The following SLC39A12 variants were observed in gnomAD, a reference collection of about 807,000 sequenced individuals.
SLC39A12 encodes zinc transporter ZIP12.
In SLC39A12, 63 loss-of-function variants were observed where a neutral mutation model predicts 71.1. That is an observed-to-expected ratio of 0.89 (90% CI 0.72 to 1.09). SLC39A12 has a LOEUF of 1.09. Among genes scored for constraint, SLC39A12 ranks in the 50% least tolerant of loss-of-function variants. SLC39A12 has a pLI of 0.00. For synonymous variants in SLC39A12, 351 were observed against 301.3 expected, an observed-to-expected ratio of 1.16 and a Z score of -1.71; for missense variants, 892 against 812.6, an observed-to-expected ratio of 1.10 and a Z score of -1.19.
Position 17,991,332 on chromosome 10 carries a change from GC to G in SLC39A12, c.1422+30del, listed in dbSNP as rs1835542612. On this transcript the variant is annotated intron_variant, in intron 8 of 12. Coordinates refer to ENST00000377369, the MANE Select transcript of SLC39A12 (RefSeq NM_001145195.2). The stretch of plus-strand genomic sequence containing the variant: ...TATTTTTAAGTTTTATTTGTCTTGT[GC>G]TTTAAAGTCTTATAATACATTCATC... 17 of 1,528,648 alleles carry G rather than the reference GC, an allele frequency of 1.1e-5. No homozygotes were observed. In the East Asian group the frequency reaches 3.9e-4, roughly 35 times the overall value. 94.7% of individuals were successfully genotyped at this position (1,528,648 alleles called of 1,614,324 possible). A position where few individuals can be genotyped will look rare whatever the true frequency, so the allele number is the denominator to read the frequency against.
intron 2 of SLC39A12, among the ~76,000 whole-genome samples, chr10:17,956,061 C>A (rs1388895656): frequency 6.6e-6 from 1 of 151,960 alleles, no homozygotes; most frequent in African/African-American, 2.4e-5. Flanking sequence ...TCTGTGAGGA[C>A]CACATGGACA....
intron 12 of SLC39A12, among the ~76,000 whole-genome samples, chr10:18,034,602 ATTTGCCAGTC>A (rs1282283840): frequency 6.6e-6 from 1 of 151,472 alleles, no homozygotes; most frequent in Non-Finnish European, 1.5e-5. Flanking sequence ...TCTTTATCCA[ATTTGCCAGTC>A]TGTGTCTTTT....
At chr10:18,018,492 A>G (rs1022053055) in intron 12 of SLC39A12, among the ~76,000 whole-genome samples, 14 of 152,142 alleles carry the variant, frequency 9.2e-5, no homozygotes, top group Non-Finnish European at 2.9e-5. Flanking sequence ...GTTTCTCACC[A>G]TTAGGTATAT....
At chr10:17,954,345 G>A (rs1392860066) in intron 2 of SLC39A12, among the ~76,000 whole-genome samples, 2 of 152,022 alleles carry the variant, frequency 1.3e-5, no homozygotes, top group Non-Finnish European at 2.9e-5. Flanking sequence ...CCTCCACCTC[G>A]TGGGTGCAAG....
In SLC39A12 at chr10:17,987,666, T is replaced by C. The variant is rs748751874; in HGVS notation, c.1269+15T>C. ...TTATCCCTCAGGTAATCTGGTCTTTTCCATTTCAGATAAAGTTCACTTCAT... is the reference window on the plus strand; with the variant it reads ...TTATCCCTCAGGTAATCTGGTCTTTCCCATTTCAGATAAAGTTCACTTCAT... On this transcript the variant is annotated intron_variant, in intron 7 of 12. Transcript: ENST00000377369. The C allele has an allele frequency of 1.2e-6, 2 of 1,613,506 alleles. No homozygotes were observed. The highest frequency in any genetic ancestry group is 4.5e-5 in the East Asian group (2 of 44,880).
intron 12 of SLC39A12, among the ~76,000 whole-genome samples, chr10:18,041,510 TTA>T (rs762424009): frequency 9.7e-5 from 11 of 113,390 alleles, no homozygotes; most frequent in African/African-American, 1.1e-4. Context: ...AAAAAAAACT[TTA>T]TATATATATA....
At chr10:18,038,087 CATTATTTCGATTAAAAAAAAATACAGG>C (rs1837114205) in intron 12 of SLC39A12, among the ~76,000 whole-genome samples, 1 of 127,398 alleles carries the variant, frequency 7.8e-6, no homozygotes, top group Admixed American at 8.2e-5. Context: ...TCATAGGGTC[CATTATTTCGATTAAAAAAAAATACAGG>C]AGCCTGTTGC....
intron 12 of SLC39A12, chr10:18,010,592 T>C (rs1412940626): frequency 6.6e-6 from 1 of 152,132 alleles, no homozygotes; most frequent in East Asian, 1.9e-4. Flanking sequence ...CACTTAGAAA[T>C]TTTCTACTGA....
At chr10:18,039,457 G>T (rs1410324330) in intron 12 of SLC39A12, among the ~76,000 whole-genome samples, 1 of 152,194 alleles carries the variant, frequency 6.6e-6, no homozygotes, top group African/African-American at 2.4e-5. Flanking sequence ...GCTGAGTATG[G>T]TGGCTTATGC....
chr10:18,042,450 C>A (rs1034963708), intron 12 of SLC39A12, among the ~76,000 whole-genome samples: 2 of 142,550 alleles, frequency 1.4e-5, no homozygotes, highest in South Asian at 4.4e-4. Flanking sequence ...AGGGCAAAGA[C>A]CCTGCCTCAA....
At chr10:17,968,720 C>A (rs36018023) in intron 4 of SLC39A12, among the ~76,000 whole-genome samples, 10,978 of 152,042 alleles carry the variant, frequency 0.072, 535 homozygotes, top group Non-Finnish European at 0.098. Context: ...TTGCTACAGG[C>A]ATGCAATGTG....
At chr10:18,040,158 T>C (rs1837180570) in intron 12 of SLC39A12, among the ~76,000 whole-genome samples, 1 of 152,246 alleles carries the variant, frequency 6.6e-6, no homozygotes, top group Admixed American at 6.5e-5. Flanking sequence ...ATTGAAAATA[T>C]AGACTGTTTT....
intron 2 of SLC39A12, among the ~76,000 whole-genome samples, chr10:17,953,910 T>A (rs1423864003): frequency 1.3e-5 from 2 of 152,252 alleles, no homozygotes; most frequent in African/African-American, 4.8e-5. Flanking sequence ...TGCTGGAGCA[T>A]AATGCGATCT....
intron 3 of SLC39A12, among the ~76,000 whole-genome samples, chr10:17,962,692 C>T (rs992525295): frequency 9.9e-5 from 15 of 151,936 alleles, no homozygotes; most frequent in African/African-American, 1.7e-4. Context: ...TGAAGCTTAA[C>T]GACCAGCAAA....
At chr10:17,992,380 A>G (rs992341563) in intron 8 of SLC39A12, among the ~76,000 whole-genome samples, 1 of 152,232 alleles carries the variant, frequency 6.6e-6, no homozygotes, top group Non-Finnish European at 1.5e-5. Context: ...CAAATAGACT[A>G]CAAGTCAACT....
At position 17,965,838 on chromosome 10, in the gene SLC39A12, T is replaced by A. The variant is rs140349798; in HGVS notation, c.751+148T>A. On this transcript the variant is annotated intron_variant, in intron 4 of 12. Transcript: ENST00000377369. ...TAGAGTCATAAAGTCAGACAGCTTA[T>A]GTGGCCTTTCAAGGCAAGCGTGCTA... The A allele has an allele frequency of 7.1e-5, 50 of 706,186 alleles. No homozygotes were observed. The African/African-American group carries it at 7.2e-4, about 10-fold the overall frequency. The allele number at this position is 706,186 out of a possible 1,614,324, so 43.7% of individuals were successfully genotyped here. A position where few individuals can be genotyped will look rare whatever the true frequency, so the allele number is the denominator to read the frequency against.
At chr10:17,992,153 C>T (rs1000182930) in intron 8 of SLC39A12, among the ~76,000 whole-genome samples, 3 of 150,226 alleles carry the variant, frequency 2.0e-5, no homozygotes, top group Non-Finnish European at 4.4e-5. Context: ...TTTTTCATTC[C>T]TAAATTTGTT....
intron 3 of SLC39A12, among the ~76,000 whole-genome samples, chr10:17,962,654 T>G (rs1554848556): frequency 1.3e-5 from 2 of 152,112 alleles, no homozygotes; most frequent in Non-Finnish European, 2.9e-5. Flanking sequence ...ATAGACAAAT[T>G]TAGTTCCTGC....
intron 12 of SLC39A12, among the ~76,000 whole-genome samples, chr10:18,021,336 T>C (rs1836526853): frequency 6.6e-6 from 1 of 152,062 alleles, no homozygotes; most frequent in African/African-American, 2.4e-5. Context: ...AATTACGTCT[T>C]GTTGAATCAA....
Sources: gnomAD v4.1 joint callset for allele counts (sites outside exome capture counted in the v4.1 genomes callset) on GRCh38, gnomAD v4.1.1 for gene constraint, MANE v1.5 for transcripts, NCBI Gene and HGNC (gene_info 2026-07-23, HGNC 2026-07-21) for gene names.